TSPAN18: variants seen among roughly 807,000 people sequenced by gnomAD.
The protein encoded by TSPAN18 is tetraspanin 18, also known as tetraspanin-18.
TSPAN18 carries 14 observed loss-of-function variants against 27.3 expected under a neutral mutation model. That is an observed-to-expected ratio of 0.51 (90% CI 0.34 to 0.80). The LOEUF (loss-of-function observed/expected upper bound fraction) is 0.80. Ranked by LOEUF, TSPAN18 falls within the 30% of genes least tolerant of loss-of-function variation. The probability of loss-of-function intolerance (pLI) is 0.01; values close to 1 mark genes in which losing one functional copy is unlikely to be tolerated. For missense variants in TSPAN18, 268 were observed against 323.9 expected (o/e 0.83, Z 1.32); for synonymous variants, 143 against 136.5 (o/e 1.05, Z -0.33).
Position 44,929,317 on chromosome 11 carries a change from G to A in TSPAN18, c.*139G>A. On this transcript the variant is annotated 3_prime_UTR_variant, in exon 10 of 10. Coordinates refer to ENST00000520358, the MANE Select transcript of TSPAN18 (RefSeq NM_130783.5). ...CAGAGATGGCCAGGAGAAGGGCCAGGGGAATAGAGCTATTTTTTTAACAAA... is the reference window on the plus strand; with the variant it reads ...CAGAGATGGCCAGGAGAAGGGCCAGAGGAATAGAGCTATTTTTTTAACAAA... 1 of 996,958 alleles carries A rather than the reference G, an allele frequency of 1.0e-6. No homozygotes were observed. Among genetic ancestry groups the A allele is most frequent in the East Asian group, 2.4e-5 (1 of 40,934 alleles). 61.8% of individuals were successfully genotyped at this position (996,958 alleles called of 1,614,324 possible).
intron 2 of TSPAN18, among the ~76,000 whole-genome samples, chr11:44,788,427 A>C (rs535478414): frequency 6.6e-6 from 1 of 150,910 alleles, no homozygotes; most frequent in East Asian, 1.9e-4. Context: ...TGGTCAGTGC[A>C]GGTTGGAGGA....
At chr11:44,852,762 C>T (rs2135192723) in intron 2 of TSPAN18, among the ~76,000 whole-genome samples, 1 of 152,222 alleles carries the variant, frequency 6.6e-6, no homozygotes, top group Admixed American at 6.5e-5. Flanking sequence ...GTTACTATGC[C>T]CAAAAGGATC....
chr11:44,887,704 A>G (rs369440972), intron 3 of TSPAN18, among the ~76,000 whole-genome samples: 8 of 151,972 alleles, frequency 5.3e-5, no homozygotes, highest in African/African-American at 1.7e-4. Context: ...TCCAAATACC[A>G]CCTGCTTTAT....
At chr11:44,769,194 CT>C (rs1236018956) in intron 2 of TSPAN18, among the ~76,000 whole-genome samples, 3 of 152,088 alleles carry the variant, frequency 2.0e-5, no homozygotes, top group African/African-American at 7.2e-5. Context: ...TGCACCTGGC[CT>C]ATTATTTGAT....
chr11:44,880,577 C>T (rs952324141), intron 3 of TSPAN18, among the ~76,000 whole-genome samples: 2 of 152,188 alleles, frequency 1.3e-5, no homozygotes, highest in African/African-American at 4.8e-5. Flanking sequence ...TGAACCACAC[C>T]ACCTGATCAC....
intron 3 of TSPAN18, among the ~76,000 whole-genome samples, chr11:44,865,618 A>G (rs835747): frequency 0.35 from 52,951 of 152,218 alleles, 10,920 homozygotes; most frequent in Non-Finnish European, 0.45. Flanking sequence ...CAACCCCATC[A>G]GTCCCTTTTC....
intron 2 of TSPAN18, among the ~76,000 whole-genome samples, chr11:44,837,113 A>G (rs1857279940): frequency 6.6e-6 from 1 of 152,244 alleles, no homozygotes; most frequent in South Asian, 2.1e-4. Flanking sequence ...AGCCATAGAT[A>G]GTGATTCCTC....
chr11:44,773,427 CCA>C (rs887551663), intron 2 of TSPAN18, among the ~76,000 whole-genome samples: 18 of 149,336 alleles, frequency 1.2e-4, no homozygotes, highest in African/African-American at 4.5e-4. Context: ...AAAAAAAAAC[CCA>C]AAAAACAAAA....
chr11:44,804,742 C>T (rs1362080078), intron 2 of TSPAN18, among the ~76,000 whole-genome samples: 1 of 150,232 alleles, frequency 6.7e-6, no homozygotes, highest in Admixed American at 6.7e-5. Context: ...TCTTTCAAGT[C>T]CAAAGGCTTT....
intron 2 of TSPAN18, among the ~76,000 whole-genome samples, chr11:44,787,654 AC>A (rs201401225): frequency 0.019 from 2,843 of 152,318 alleles, 103 homozygotes; most frequent in African/African-American, 0.065. Flanking sequence ...TTAAAGAGAG[AC>A]TGCATGTAAA....
intron 2 of TSPAN18, among the ~76,000 whole-genome samples, chr11:44,792,800 T>C (rs899414736): frequency 3.9e-5 from 6 of 152,196 alleles, no homozygotes; most frequent in Admixed American, 3.9e-4. Flanking sequence ...GGACAAACAG[T>C]ACCTGCCAAG....
At chr11:44,817,121 T>C (rs1467268955) in intron 2 of TSPAN18, among the ~76,000 whole-genome samples, 1 of 152,188 alleles carries the variant, frequency 6.6e-6, no homozygotes, top group Non-Finnish European at 1.5e-5. Context: ...AGGGATGCCC[T>C]TGTGAACACC....
chr11:44,844,712 C>T (rs1590567040), intron 2 of TSPAN18, among the ~76,000 whole-genome samples: 1 of 152,254 alleles, frequency 6.6e-6, no homozygotes, highest in East Asian at 1.9e-4. Flanking sequence ...TGTAGGAGTT[C>T]TTTATATATT....
At chr11:44,910,915 CAGCCATGTCTTCTTGTTAAACGAGGG>C (rs1192262444) in intron 5 of TSPAN18, among the ~76,000 whole-genome samples, 2 of 152,202 alleles carry the variant, frequency 1.3e-5, no homozygotes, top group African/African-American at 4.8e-5. Flanking sequence ...CCTCCCAGAG[CAGCCATGTCTTCTTGTTAAACGAGGG>C]GGCCGACCAG....
At chr11:44,733,960 G>T (rs188046318) in intron 1 of TSPAN18, among the ~76,000 whole-genome samples, 1 of 152,292 alleles carries the variant, frequency 6.6e-6, no homozygotes, top group Non-Finnish European at 1.5e-5. Context: ...GGTTGTGGGG[G>T]TGGTGTTTGG....
At chr11:44,834,338 T>A (rs985024205) in intron 2 of TSPAN18, among the ~76,000 whole-genome samples, 3 of 152,234 alleles carry the variant, frequency 2.0e-5, no homozygotes, top group East Asian at 3.9e-4. Context: ...AAGCTGGGGC[T>A]TTTTGTTGGC....
chr11:44,905,294 A>G (rs1226147040), intron 3 of TSPAN18, among the ~76,000 whole-genome samples: 1 of 152,094 alleles, frequency 6.6e-6, no homozygotes, highest in Non-Finnish European at 1.5e-5. Flanking sequence ...ATCCATCCAC[A>G]CCCCAACACA....
intron 3 of TSPAN18, among the ~76,000 whole-genome samples, chr11:44,862,748 C>T (rs1857931554): frequency 6.6e-6 from 1 of 152,210 alleles, no homozygotes; most frequent in Admixed American, 6.5e-5. Context: ...ACTGGGCTGG[C>T]TTGGTAGATA....
At chr11:44,783,501 C>T (rs1369283982) in intron 2 of TSPAN18, among the ~76,000 whole-genome samples, 4 of 151,674 alleles carry the variant, frequency 2.6e-5, no homozygotes, top group African/African-American at 9.7e-5. Flanking sequence ...TAGGTTCAAG[C>T]GATTCTCCTG....
Sources: allele counts gnomAD v4.1 joint callset (sites outside exome capture counted in the v4.1 genomes callset), GRCh38; gene constraint gnomAD v4.1.1; transcripts MANE v1.5; gene names NCBI Gene and HGNC (gene_info 2026-07-23, HGNC 2026-07-21).